The following RBMS3 variants were observed in gnomAD, a reference collection of about 807,000 sequenced individuals.
RBMS3 encodes the protein RNA binding motif single stranded interacting protein 3.
Under a neutral mutation model 66.8 loss-of-function variants are expected in RBMS3, and 27 were observed. The ratio of observed to expected loss-of-function variants is 0.40; its 90% CI spans 0.30 to 0.56. RBMS3 has a LOEUF of 0.56. Ranked by LOEUF, RBMS3 falls within the 20% of genes least tolerant of loss-of-function variation. The probability of loss-of-function intolerance (pLI) is 0.40; values close to 1 mark genes in which losing one functional copy is unlikely to be tolerated. For synonymous variants in RBMS3, 188 were observed against 183.0 expected, an observed-to-expected ratio of 1.03 and a Z score of -0.22; for missense variants, 513 against 549.5, an observed-to-expected ratio of 0.93 and a Z score of 0.66.
chr3:29,465,334 T>C (rs1414846146), intron 2 of RBMS3, among the ~76,000 whole-genome samples: 1 of 152,222 alleles, frequency 6.6e-6, no homozygotes, highest in Non-Finnish European at 1.5e-5. Context: ...AGTTAGGCAA[T>C]ACATTTTAAT....
intron 3 of RBMS3, chr3:29,526,475 C>T (rs9713250): frequency 0.058 from 7,390 of 127,162 alleles, 215 homozygotes; most frequent in South Asian, 0.12. Flanking sequence ...GAGCCGAGAT[C>T]GCGCCACTGC....
intron 2 of RBMS3, among the ~76,000 whole-genome samples, chr3:29,454,365 A>C (rs898924674): frequency 1.2e-4 from 18 of 152,232 alleles, no homozygotes; most frequent in Non-Finnish European, 2.2e-4. Context: ...ACTCACAGAC[A>C]CCGTAATACT....
At chr3:29,731,653 G>A (rs1189753861) in intron 4 of RBMS3, among the ~76,000 whole-genome samples, 1 of 152,186 alleles carries the variant, frequency 6.6e-6, no homozygotes, top group Non-Finnish European at 1.5e-5. Context: ...CCTAGTCAGA[G>A]GCACTGGCTT....
At chr3:29,599,111 G>T (rs1576331386) in intron 4 of RBMS3, among the ~76,000 whole-genome samples, 1 of 149,690 alleles carries the variant, frequency 6.7e-6, no homozygotes, top group Admixed American at 6.7e-5. Context: ...ATTATCAAAA[G>T]AATGAGAGAA....
chr3:29,289,038 T>G (rs2032599096), intron 1 of RBMS3, among the ~76,000 whole-genome samples: 1 of 152,018 alleles, frequency 6.6e-6, no homozygotes, highest in South Asian at 2.1e-4. Context: ...ATTATTTTCA[T>G]ATAACTTAGT....
chr3:29,287,371 AT>A (rs578078866), intron 1 of RBMS3, among the ~76,000 whole-genome samples: 10 of 151,782 alleles, frequency 6.6e-5, no homozygotes, highest in Admixed American at 2.0e-4. Flanking sequence ...GAAATTATAA[AT>A]TTTTTTTTAC....
At chr3:29,993,918 G>A (rs565494380) in intron 14 of RBMS3, among the ~76,000 whole-genome samples, 2 of 152,148 alleles carry the variant, frequency 1.3e-5, no homozygotes, top group African/African-American at 4.8e-5. Context: ...CTCTGTATCG[G>A]GGGGAGGAAC....
At chr3:29,802,418 C>G (rs944435528) in intron 6 of RBMS3, among the ~76,000 whole-genome samples, 2 of 152,124 alleles carry the variant, frequency 1.3e-5, no homozygotes, top group Admixed American at 1.3e-4. Context: ...TAACATAACC[C>G]CAGTTCTCAC....
At chr3:29,527,181 TAAAAAAAAA>T (rs538907247) in intron 3 of RBMS3, among the ~76,000 whole-genome samples, 5 of 87,826 alleles carry the variant, frequency 5.7e-5, no homozygotes, top group African/African-American at 9.5e-5. Flanking sequence ...TTAGGTAGAG[TAAAAAAAAA>T]AAAAAAAAAA....
chr3:29,893,108 A>G (rs997520250), intron 8 of RBMS3, among the ~76,000 whole-genome samples: 7 of 151,422 alleles, frequency 4.6e-5, no homozygotes, highest in Admixed American at 4.6e-4. Flanking sequence ...AGCTTATTTC[A>G]GAATACCAGA....
chr3:29,929,140 A>C (rs1375838026), intron 10 of RBMS3, among the ~76,000 whole-genome samples: 2 of 152,196 alleles, frequency 1.3e-5, no homozygotes, highest in Non-Finnish European at 2.9e-5. Flanking sequence ...TTTAATGACA[A>C]AATAATTAAG....
intron 1 of RBMS3, among the ~76,000 whole-genome samples, chr3:29,298,543 A>T (rs2033448804): frequency 6.6e-6 from 1 of 151,906 alleles, no homozygotes; most frequent in Non-Finnish European, 1.5e-5. Flanking sequence ...AATTATAAAG[A>T]TACTAAAGCT....
chr3:29,938,493 GGTAGA>G (rs2061319803), intron 11 of RBMS3, among the ~76,000 whole-genome samples: 1 of 151,860 alleles, frequency 6.6e-6, no homozygotes, highest in South Asian at 2.1e-4. Context: ...GTTTAGAAGA[GGTAGA>G]GAGAAAACAG....
intron 5 of RBMS3, among the ~76,000 whole-genome samples, chr3:29,752,280 G>T (rs1241581348): frequency 6.6e-6 from 1 of 152,134 alleles, no homozygotes; most frequent in South Asian, 2.1e-4. Flanking sequence ...CTAATATCCA[G>T]CTGGTTCCTC....
At chr3:29,411,805 C>T (rs1280570653) in intron 1 of RBMS3, among the ~76,000 whole-genome samples, 2 of 152,214 alleles carry the variant, frequency 1.3e-5, no homozygotes, top group African/African-American at 4.8e-5. Context: ...TCCATCACCA[C>T]TCACAAATAG....
At chr3:29,570,438 G>A (rs2046910920) in intron 3 of RBMS3, among the ~76,000 whole-genome samples, 1 of 151,070 alleles carries the variant, frequency 6.6e-6, no homozygotes, top group Non-Finnish European at 1.5e-5. Flanking sequence ...ACTATTTTTT[G>A]TACCCTTCAA....
At position 29,412,834 on chromosome 3, in the gene RBMS3, G is replaced by T. The variant is rs561917869; in HGVS notation, c.76-21909G>T. Among the ~76,000 whole-genome samples, 6 of 152,264 alleles carry T rather than the reference G, an allele frequency of 3.9e-5. No homozygotes were observed. In the South Asian group the frequency reaches 1.2e-3, roughly 32 times the overall value. The stretch of plus-strand genomic sequence containing the variant: ...GGAGATAAATCTGTCTATGATAAAG[G>T]TTTCTCAGAGGAGGTGAAATTTGAA... On this transcript the variant is annotated intron_variant, in intron 1 of 14. Transcript: ENST00000383767.
intron 10 of RBMS3, among the ~76,000 whole-genome samples, chr3:29,922,426 T>G (rs9814334): frequency 0.084 from 12,546 of 149,552 alleles, 624 homozygotes; most frequent in African/African-American, 0.13. Flanking sequence ...AGCGGAGCTT[T>G]CAGTGAGCCG....
chr3:29,510,071 A>G (rs540519492), intron 3 of RBMS3, among the ~76,000 whole-genome samples: 1 of 152,334 alleles, frequency 6.6e-6, no homozygotes, highest in South Asian at 2.1e-4. Flanking sequence ...AATAAGCACA[A>G]TTTCTTATTA....
Sources: allele counts gnomAD v4.1 joint callset (sites outside exome capture counted in the v4.1 genomes callset), GRCh38; gene constraint gnomAD v4.1.1; transcripts MANE v1.5; gene names NCBI Gene and HGNC (gene_info 2026-07-23, HGNC 2026-07-21).